Variants in CPAMD8 observed in about 807,000 individuals in gnomAD.
CPAMD8 encodes the protein C3 and PZP-like alpha-2-macroglobulin domain-containing protein 8.
A neutral mutation model predicts 224.7 loss-of-function variants in CPAMD8; 146 were observed. That is an observed-to-expected ratio of 0.65 (90% CI 0.57 to 0.75). The LOEUF is 0.75. Among genes scored for constraint, CPAMD8 ranks in the 30% least tolerant of loss-of-function variants. The pLI is 0.00. For synonymous variants in CPAMD8, 966 were observed against 1,044.6 expected (o/e 0.92, Z 1.45); for missense variants, 2,301 against 2,537.5 (o/e 0.91, Z 2.00).
intron 3 of CPAMD8, among the ~76,000 whole-genome samples, chr19:17,017,507 G>A (rs1474686587): frequency 6.6e-6 from 1 of 152,128 alleles, no homozygotes; most frequent in African/African-American, 2.4e-5. Flanking sequence ...TCCTGAATGT[G>A]GACTTCTGGG....
chr19:16,945,815 G>A, intron 21 of CPAMD8, 136 bp from the exon 22 acceptor site: 1 of 799,434 alleles, frequency 1.3e-6, no homozygotes, highest in Non-Finnish European at 2.1e-6. Context: ...ATATGCAGAT[G>A]TGTGCATGCA....
chr19:16,943,889 T>G (rs929930062), intron 22 of CPAMD8, among the ~76,000 whole-genome samples: 20 of 152,198 alleles, frequency 1.3e-4, no homozygotes, highest in Admixed American at 1.3e-3. Context: ...ATCACTCCAG[T>G]GAGGCCCGAA....
chr19:16,907,307 CTTTTTT>C (rs71334641), intron 29 of CPAMD8, among the ~76,000 whole-genome samples, 190 bp from the exon 30 acceptor site: 11 of 81,074 alleles, frequency 1.4e-4, no homozygotes, highest in Non-Finnish European at 1.8e-4. Flanking sequence ...TCTTTCTTGC[CTTTTTT>C]TTTTTTTTTT....
rs527809778 is a variant in CPAMD8 at position 17,004,944 on chromosome 19, C to CAG, written c.560-560_560-559dup. ...CAAAATCACCCCTGGGTGGAAATCC[C>CAG]AGAGAGAGAGAGAGACAGACAGAGA... On this transcript the variant is annotated intron_variant, in intron 7 of 41. Transcript: ENST00000443236. Among the ~76,000 whole-genome samples, 333 of 149,366 alleles carry CAG rather than the reference C, an allele frequency of 2.2e-3. 1 individual carries two copies. The highest frequency in any genetic ancestry group is 7.6e-3 in the African/African-American group (306 of 40,484).
At chr19:17,012,947 CTGGGG>C (rs1299342361) in intron 3 of CPAMD8, among the ~76,000 whole-genome samples, 1 of 152,000 alleles carries the variant, frequency 6.6e-6, no homozygotes, top group African/African-American at 2.4e-5. Context: ...TTTGGGGAGG[CTGGGG>C]TGGGCGGATC....
chr19:16,982,424 AT>A (rs1459666600), intron 13 of CPAMD8, among the ~76,000 whole-genome samples: 30 of 152,234 alleles, frequency 2.0e-4, no homozygotes, highest in Middle Eastern at 3.4e-3. Flanking sequence ...AATTAAAAAA[AT>A]ATATAGTAAG....
rs2227374 is a variant in CPAMD8 at position 16,899,388 on chromosome 19, C to G, written c.4848+87G>C. 2.6e-3 allele frequency: 1,970 copies of G among 748,212 alleles called. 36 individuals carry two copies. In the African/African-American group the frequency reaches 0.031, roughly 12 times the overall value. The allele number at this position is 748,212 out of a possible 1,614,324, so 46.3% of individuals were successfully genotyped here. On this transcript the variant is annotated intron_variant, in intron 37 of 41. Transcript: ENST00000443236. The surrounding 1 kb of genome is among the most constrained non-coding windows in gnomAD (Gnocchi z 5.4). ...TCTTTTTTATGGTACAAGATACTTG[C>G]AGGGAGCCACACCAGGCAGTGACCG...
intron 18 of CPAMD8, among the ~76,000 whole-genome samples, chr19:16,963,934 T>C (rs1474834574): frequency 6.6e-6 from 1 of 152,196 alleles, no homozygotes; most frequent in Non-Finnish European, 1.5e-5. Flanking sequence ...TGCTCCTGAA[T>C]GACTGCTGGG....
At chr19:16,904,993 C>T (rs915925670) in intron 30 of CPAMD8, among the ~76,000 whole-genome samples, 3 of 152,194 alleles carry the variant, frequency 2.0e-5, no homozygotes, top group African/African-American at 7.2e-5. Flanking sequence ...GTAATCCGAG[C>T]ACTTTGGGAG....
chr19:17,015,642 C>T (rs995415696), intron 3 of CPAMD8, among the ~76,000 whole-genome samples: 1 of 152,196 alleles, frequency 6.6e-6, no homozygotes, highest in Non-Finnish European at 1.5e-5. Flanking sequence ...AAGCAATAAA[C>T]CTCACCCACT....
chr19:16,909,730 G>C (rs1401319703), intron 29 of CPAMD8, among the ~76,000 whole-genome samples: 2 of 127,310 alleles, frequency 1.6e-5, no homozygotes, highest in East Asian at 4.2e-4. Flanking sequence ...GGCAATAAGA[G>C]CGAAACTTCG....
intron 22 of CPAMD8, among the ~76,000 whole-genome samples, chr19:16,939,824 C>T (rs1433814935): frequency 1.3e-5 from 2 of 152,178 alleles, no homozygotes; most frequent in East Asian, 3.9e-4. Flanking sequence ...ATTGGTTCTC[C>T]AGCTCTCAGG....
intron 27 of CPAMD8, among the ~76,000 whole-genome samples, chr19:16,918,286 C>A (rs1471056438): frequency 1.3e-5 from 2 of 152,164 alleles, no homozygotes; most frequent in Non-Finnish European, 2.9e-5. Context: ...TGAGCCACAG[C>A]GCCCGGCCCC....
chr19:16,907,307 CTTTTTTTTTT>C (rs71334641), intron 29 of CPAMD8, among the ~76,000 whole-genome samples, 190 bp from the exon 30 acceptor site: 25 of 81,080 alleles, frequency 3.1e-4, no homozygotes, highest in Admixed American at 1.6e-3. Context: ...TCTTTCTTGC[CTTTTTTTTTT>C]TTTTTTTTTT....
At chr19:16,959,510 T>C (rs1308096065) in intron 18 of CPAMD8, among the ~76,000 whole-genome samples, 1 of 151,924 alleles carries the variant, frequency 6.6e-6, no homozygotes, top group Non-Finnish European at 1.5e-5. Context: ...ACATTGAGGT[T>C]TTTTTCATAT....
intron 13 of CPAMD8, among the ~76,000 whole-genome samples, chr19:16,983,680 C>G (rs1367429423): frequency 6.6e-6 from 1 of 152,024 alleles, no homozygotes; most frequent in Non-Finnish European, 1.5e-5. Context: ...TGATCCCGGA[C>G]CAGAAAACAA....
intron 13 of CPAMD8, among the ~76,000 whole-genome samples, chr19:16,987,566 T>G (rs79491433): frequency 6.6e-6 from 1 of 152,294 alleles, no homozygotes; most frequent in East Asian, 1.9e-4. Flanking sequence ...TAGCTTACAT[T>G]ATTGTAAGAA....
At position 16,952,071 on chromosome 19, in the gene CPAMD8, G is replaced by A. The variant is rs1474136900; in HGVS notation, c.2406C>T (p.Phe802=). Residue 802 remains phenylalanine (F), a synonymous_variant, in exon 20 of 42, where the codon TTC becomes TTT. Coordinates refer to ENST00000443236, the MANE Select transcript of CPAMD8 (RefSeq NM_015692.5). ...GIAEPSLLKT[F]KPFFVDFMLP... Reference sequence around the variant, plus strand: ...GCATGAAGTCCACGAAGAAGGGCTTGAAGGTCTTCAGCAGGGAGGGCTCGG... The same window carrying A: ...GCATGAAGTCCACGAAGAAGGGCTTAAAGGTCTTCAGCAGGGAGGGCTCGG... 3 of 1,569,168 alleles carry A rather than the reference G, an allele frequency of 1.9e-6. No individual in the cohort carries two copies. The highest frequency in any genetic ancestry group is 2.6e-6 in the Non-Finnish European group (3 of 1,155,454).
At chr19:16,920,449 C>T (rs902723027) in intron 27 of CPAMD8, among the ~76,000 whole-genome samples, 1 of 152,114 alleles carries the variant, frequency 6.6e-6, no homozygotes, top group East Asian at 1.9e-4. Flanking sequence ...CACTGCACTC[C>T]AGCCTGGGTG....
Sources: allele counts gnomAD v4.1 joint callset (sites outside exome capture counted in the v4.1 genomes callset), GRCh38; gene constraint gnomAD v4.1.1; non-coding constraint Gnocchi (gnomAD v3.1); transcripts MANE v1.5; gene names NCBI Gene and HGNC (gene_info 2026-07-23, HGNC 2026-07-21).